The following NKAIN2 variants were observed in gnomAD, a reference collection of about 807,000 sequenced individuals.
The protein encoded by NKAIN2 is sodium/potassium-transporting ATPase subunit beta-1-interacting protein 2.
In NKAIN2, 14 loss-of-function variants were observed where a neutral mutation model predicts 32.6. That is an observed-to-expected ratio of 0.43 (90% confidence interval 0.28 to 0.67). NKAIN2 has a LOEUF of 0.67. Ranked by LOEUF, NKAIN2 falls within the 30% of genes least tolerant of loss-of-function variation. NKAIN2 has a pLI of 0.17. For synonymous variants in NKAIN2, 80 were observed against 87.2 expected, an observed-to-expected ratio of 0.92 and a Z score of 0.46; for missense variants, 198 against 258.3, an observed-to-expected ratio of 0.77 and a Z score of 1.60.
At chr6:123,809,807 G>C (rs1773379113) in intron 1 of NKAIN2, among the ~76,000 whole-genome samples, 2 of 151,920 alleles carry the variant, frequency 1.3e-5, no homozygotes, top group South Asian at 4.1e-4. Flanking sequence ...GACTCTTTTT[G>C]TTTTTCCAAC....
chr6:124,421,275 CT>C (rs1331577753), intron 3 of NKAIN2, among the ~76,000 whole-genome samples: 1 of 152,078 alleles, frequency 6.6e-6, no homozygotes, highest in Non-Finnish European at 1.5e-5. Flanking sequence ...AGAATATTAA[CT>C]CTTTTAACTC....
intron 1 of NKAIN2, among the ~76,000 whole-genome samples, chr6:124,100,146 G>A (rs1458207644): frequency 6.6e-6 from 1 of 152,126 alleles, no homozygotes; most frequent in African/African-American, 2.4e-5. Context: ...ACCTGACAAA[G>A]CCACTTATTG....
At chr6:124,128,803 T>G (rs1049495623) in intron 1 of NKAIN2, among the ~76,000 whole-genome samples, 2 of 152,152 alleles carry the variant, frequency 1.3e-5, no homozygotes, top group African/African-American at 4.8e-5. Context: ...CTTCTTGAGG[T>G]GTTATATTTT....
At chr6:123,847,733 A>G (rs1010864167) in intron 1 of NKAIN2, among the ~76,000 whole-genome samples, 5 of 152,128 alleles carry the variant, frequency 3.3e-5, no homozygotes, top group African/African-American at 1.2e-4. Flanking sequence ...TTTCATTTTA[A>G]TTTTAAAATT....
At chr6:124,382,758 G>A (rs1222269904) in intron 3 of NKAIN2, among the ~76,000 whole-genome samples, 1 of 152,138 alleles carries the variant, frequency 6.6e-6, no homozygotes, top group Non-Finnish European at 1.5e-5. Context: ...TTTGTTACAG[G>A]TTTCAGACTT....
At chr6:123,932,520 C>T (rs1037952453) in intron 1 of NKAIN2, among the ~76,000 whole-genome samples, 1 of 149,490 alleles carries the variant, frequency 6.7e-6, no homozygotes, top group African/African-American at 2.5e-5. Context: ...GGGTTCACGC[C>T]ATTCTCCTGC....
At chr6:124,116,955 T>G (rs1785646167) in intron 1 of NKAIN2, among the ~76,000 whole-genome samples, 1 of 152,050 alleles carries the variant, frequency 6.6e-6, no homozygotes, top group Admixed American at 6.6e-5. Flanking sequence ...AGGCATTAGG[T>G]ACAGATCATT....
intron 1 of NKAIN2, among the ~76,000 whole-genome samples, chr6:124,077,880 G>A (rs375726526): frequency 3.3e-5 from 5 of 152,082 alleles, no homozygotes; most frequent in East Asian, 1.9e-4. Flanking sequence ...GATTACAGGC[G>A]TGAATGACAG....
At chr6:123,863,677 AC>A (rs1775875911) in intron 1 of NKAIN2, among the ~76,000 whole-genome samples, 1 of 152,124 alleles carries the variant, frequency 6.6e-6, no homozygotes, top group Non-Finnish European at 1.5e-5. Context: ...TGCCTTCCAT[AC>A]TAAAGTTCCT....
intron 5 of NKAIN2, among the ~76,000 whole-genome samples, chr6:124,795,714 C>T (rs1387311510): frequency 6.6e-6 from 1 of 152,074 alleles, no homozygotes; most frequent in Non-Finnish European, 1.5e-5. Flanking sequence ...TTTCCTTGCT[C>T]ATAGGTGATA....
intron 1 of NKAIN2, among the ~76,000 whole-genome samples, chr6:124,190,220 T>C (rs886744012): frequency 6.6e-6 from 1 of 152,258 alleles, no homozygotes; most frequent in Non-Finnish European, 1.5e-5. Flanking sequence ...CCTTGGTTTC[T>C]TTACTTGTAG....
At position 124,130,959 on chromosome 6, in the gene NKAIN2, G is replaced by A. The variant is rs370328304; in HGVS notation, c.55-152046G>A. 2.6e-5 allele frequency among the ~76,000 whole-genome samples: 4 copies of A among 152,244 alleles called. No individual in the cohort carries two copies. The East Asian group carries it at 5.8e-4, about 22-fold the overall frequency. ...AGGGACGTGTGCACTCCAACACTGC[G>A]CAGTCCTGTCTTGGCCTGGTGTCTG... On this transcript the variant is annotated intron_variant, in intron 1 of 6. Coordinates refer to ENST00000368417, the MANE Select transcript of NKAIN2 (RefSeq NM_001040214.3).
At chr6:124,660,500 A>G (rs930451153) in intron 4 of NKAIN2, among the ~76,000 whole-genome samples, 4 of 152,244 alleles carry the variant, frequency 2.6e-5, no homozygotes, top group African/African-American at 9.6e-5. Flanking sequence ...CAAGGTGGCT[A>G]GAGTGCAAAG....
chr6:124,664,329 ACCTAGTAGT>A (rs1772658927), intron 4 of NKAIN2, among the ~76,000 whole-genome samples: 1 of 151,970 alleles, frequency 6.6e-6, no homozygotes, highest in African/African-American at 2.4e-5. Flanking sequence ...TTTATTTTAT[ACCTAGTAGT>A]TTTAATCAAT....
chr6:123,980,502 G>A (rs1042327835), intron 1 of NKAIN2, among the ~76,000 whole-genome samples: 1 of 152,138 alleles, frequency 6.6e-6, no homozygotes, highest in Non-Finnish European at 1.5e-5. Flanking sequence ...CTGAAACGTC[G>A]TCTTGATTTA....
At chr6:124,384,383 T>A (rs1383830121) in intron 3 of NKAIN2, among the ~76,000 whole-genome samples, 5 of 152,136 alleles carry the variant, frequency 3.3e-5, no homozygotes, top group Non-Finnish European at 5.9e-5. Flanking sequence ...AAAGACAGAT[T>A]GAACTATTGC....
intron 4 of NKAIN2, among the ~76,000 whole-genome samples, chr6:124,759,588 AACACACACACACACACAC>A (rs542448143): frequency 0.047 from 4,001 of 84,460 alleles, 160 homozygotes; most frequent in Middle Eastern, 0.076. Flanking sequence ...CTGAAATTGC[AACACACACACACACACAC>A]ACACACACAC....
Position 124,607,856 on chromosome 6 carries a change from G to T in NKAIN2, c.274-50330G>T, listed in dbSNP as rs73772187. ...TCTTTCACTTTCAATATAGTATTCC[G>T]TAAATTATATAAGACATTTCTTTAT... On this transcript the variant is annotated intron_variant, in intron 3 of 6. Coordinates refer to ENST00000368417, the MANE Select transcript of NKAIN2 (RefSeq NM_001040214.3). 5.5e-3 allele frequency among the ~76,000 whole-genome samples: 835 copies of T among 151,992 alleles called. 11 individuals are homozygous for T. Among genetic ancestry groups the T allele is most frequent in the African/African-American group, 0.019 (790 of 41,464 alleles).
chr6:124,009,839 A>T (rs1204881212), intron 1 of NKAIN2, among the ~76,000 whole-genome samples: 1 of 152,166 alleles, frequency 6.6e-6, no homozygotes, highest in African/African-American at 2.4e-5. Flanking sequence ...CACCCCATAT[A>T]CATATGAGAT....
Sources: gnomAD v4.1 joint callset for allele counts (sites outside exome capture counted in the v4.1 genomes callset) on GRCh38, gnomAD v4.1.1 for gene constraint, MANE v1.5 for transcripts, NCBI Gene and HGNC (gene_info 2026-07-23, HGNC 2026-07-21) for gene names.